The following GPC3 variants were observed in gnomAD, a reference collection of about 807,000 sequenced individuals.
GPC3 encodes the protein glypican 3, also known as glypican-3.
GPC3 carries 3 observed loss-of-function variants against 34.4 expected under a neutral mutation model. That is an observed-to-expected ratio of 0.09 (90% CI 0.04 to 0.23). The LOEUF (loss-of-function observed/expected upper bound fraction) is 0.23, where lower values mean the gene tolerates loss of function less well. GPC3 is among the 10% of genes least tolerant of loss of function. The pLI is 1.00. For missense variants in GPC3, 351 were observed against 445.6 expected, an observed-to-expected ratio of 0.79 and a Z score of 1.91; for synonymous variants, 177 against 174.0, an observed-to-expected ratio of 1.02 and a Z score of -0.13.
At chrX:133,927,284 G>C (rs1220411277) in intron 2 of GPC3, among the ~76,000 whole-genome samples, 1 of 109,813 alleles carries the variant, frequency 9.1e-6, no homozygotes, top group African/African-American at 3.3e-5. Context: ...AAAGTGAAAA[G>C]GTATGTTACC....
chrX:133,616,015 T>C (rs1478785442), intron 6 of GPC3, among the ~76,000 whole-genome samples: 1 of 111,271 alleles, frequency 9.0e-6, no homozygotes, highest in Non-Finnish European at 1.9e-5. Flanking sequence ...ACTATGTCTG[T>C]TCTTACCACT....
intron 1 of GPC3, among the ~76,000 whole-genome samples, chrX:133,975,302 T>TC (rs745904179): frequency 8.9e-6 from 1 of 112,617 alleles, no homozygotes; most frequent in Admixed American, 9.4e-5. Context: ...TTCCTATTTT[T>TC]CTAATTCATC....
At chrX:133,934,458 G>C (rs1011907903) in intron 2 of GPC3, among the ~76,000 whole-genome samples, 1 of 110,118 alleles carries the variant, frequency 9.1e-6, no homozygotes, top group African/African-American at 3.3e-5. Flanking sequence ...GCCTCCCAAA[G>C]TGCTGGGATT....
intron 2 of GPC3, among the ~76,000 whole-genome samples, chrX:133,840,393 G>A (rs1249978175): frequency 9.0e-6 from 1 of 110,980 alleles, no homozygotes; most frequent in Non-Finnish European, 1.9e-5. Context: ...TTTTGAGTAA[G>A]ACAGGTGTCA....
chrX:133,672,237 T>C (rs2070834210), intron 5 of GPC3, among the ~76,000 whole-genome samples: 1 of 111,557 alleles, frequency 9.0e-6, no homozygotes, highest in Non-Finnish European at 1.9e-5. Flanking sequence ...GAAACCAACT[T>C]TGCAGAAGAG....
chrX:133,759,192 T>A lies in GPC3; in HGVS notation c.338-5016A>T, dbSNP rs1261751135. ...GACTCAATATTATTAAGTTTTCAATTCTTTCCAACATGATCTATAAATTCA... is the reference window on the plus strand; with the variant it reads ...GACTCAATATTATTAAGTTTTCAATACTTTCCAACATGATCTATAAATTCA... On this transcript the variant is annotated intron_variant, in intron 2 of 7. Coordinates refer to ENST00000370818, the MANE Select transcript of GPC3 (RefSeq NM_004484.4). 2.7e-5 allele frequency among the ~76,000 whole-genome samples: 3 copies of A among 112,153 alleles called. No individual in the cohort carries two copies. In the East Asian group the frequency reaches 8.3e-4, roughly 31 times the overall value.
At chrX:133,945,625 G>T (rs1474119025) in intron 2 of GPC3, among the ~76,000 whole-genome samples, 1 of 108,585 alleles carries the variant, frequency 9.2e-6, no homozygotes, top group Non-Finnish European at 1.9e-5. Flanking sequence ...ATGATGGCAG[G>T]CGCCTGTAAT....
intron 2 of GPC3, among the ~76,000 whole-genome samples, chrX:133,767,175 T>C (rs1208860491): frequency 8.9e-6 from 1 of 111,830 alleles, no homozygotes; most frequent in Admixed American, 9.5e-5. Context: ...GTAAACTTAA[T>C]ACCTCAGCTG....
chrX:133,887,276 T>G (rs1171350178), intron 2 of GPC3, among the ~76,000 whole-genome samples: 1 of 112,596 alleles, frequency 8.9e-6, no homozygotes, highest in Non-Finnish European at 1.9e-5. Context: ...CTGTACTAAT[T>G]TACATTCCCA....
intron 2 of GPC3, among the ~76,000 whole-genome samples, chrX:133,946,571 GACT>G (rs2076369893): frequency 9.1e-6 from 1 of 110,413 alleles, no homozygotes; most frequent in Non-Finnish European, 1.9e-5. Flanking sequence ...ACCCCACCCA[GACT>G]CATTCACACC....
chrX:133,542,927 C>G (rs1000248930), intron 7 of GPC3, among the ~76,000 whole-genome samples: 4 of 111,864 alleles, frequency 3.6e-5, no homozygotes, highest in African/African-American at 9.8e-5. Context: ...ACCTCAATAC[C>G]TCCTCTTTTG....
intron 7 of GPC3, among the ~76,000 whole-genome samples, chrX:133,562,699 T>C (rs989662579): frequency 1.2e-4 from 13 of 111,726 alleles, no homozygotes; most frequent in African/African-American, 3.6e-4. Flanking sequence ...GTAGTTAATA[T>C]AGTAAAGTAG....
intron 1 of GPC3, among the ~76,000 whole-genome samples, chrX:133,958,927 A>T (rs2076430232): frequency 9.0e-6 from 1 of 111,590 alleles, no homozygotes; most frequent in Non-Finnish European, 1.9e-5. Flanking sequence ...TGAAGATACA[A>T]TAAATAGATG....
intron 5 of GPC3, among the ~76,000 whole-genome samples, chrX:133,690,470 T>C (rs1386102207): frequency 1.8e-5 from 2 of 111,277 alleles, no homozygotes; most frequent in Non-Finnish European, 3.8e-5. Flanking sequence ...GTAGCAGAAC[T>C]GAGAGGCAAA....
At chrX:133,800,953 A>T (rs1207486405) in intron 2 of GPC3, among the ~76,000 whole-genome samples, 1 of 112,005 alleles carries the variant, frequency 8.9e-6, no homozygotes, top group Non-Finnish European at 1.9e-5. Context: ...CATTTCAAAT[A>T]CTCTAAGCTG....
At chrX:133,538,489 A>G (rs2069313774) in intron 7 of GPC3, among the ~76,000 whole-genome samples, 2 of 111,681 alleles carry the variant, frequency 1.8e-5, no homozygotes, top group Non-Finnish European at 1.9e-5. Context: ...ATGAAACAAT[A>G]TCTATTAATG....
intron 3 of GPC3, among the ~76,000 whole-genome samples, chrX:133,738,260 G>A (rs2071529234): frequency 8.9e-6 from 1 of 112,005 alleles, no homozygotes; most frequent in East Asian, 2.8e-4. Context: ...CATTGCACCA[G>A]GCCTGTGATT....
chrX:133,778,713 T>C (rs1463386063), intron 2 of GPC3, among the ~76,000 whole-genome samples: 1 of 111,498 alleles, frequency 9.0e-6, no homozygotes, highest in African/African-American at 3.3e-5. Flanking sequence ...TATCAGGTTG[T>C]CTTCTTGACC....
intron 6 of GPC3, among the ~76,000 whole-genome samples, chrX:133,653,948 GTA>G (rs2070626454): frequency 8.9e-6 from 1 of 111,762 alleles, no homozygotes; most frequent in Non-Finnish European, 1.9e-5. Context: ...TTTACTGGTA[GTA>G]TGACTTTGGA....
Sources: gnomAD v4.1 joint callset for allele counts (sites outside exome capture counted in the v4.1 genomes callset) on GRCh38, gnomAD v4.1.1 for gene constraint, MANE v1.5 for transcripts, NCBI Gene and HGNC (gene_info 2026-07-23, HGNC 2026-07-21) for gene names.